COL4A2: variants seen among roughly 807,000 people sequenced by gnomAD.
The protein encoded by COL4A2 is collagen type IV alpha 2 chain.
Under a neutral mutation model 200.2 loss-of-function variants are expected in COL4A2, and 99 were observed. That is an observed-to-expected ratio of 0.49 (90% CI 0.42 to 0.58). COL4A2 has a LOEUF of 0.58. COL4A2 is among the 20% of genes least tolerant of loss of function. The pLI is 0.00. For synonymous variants in COL4A2, 897 were observed against 900.6 expected (o/e 1.00, Z 0.07); for missense variants, 1,950 against 2,314.1 (o/e 0.84, Z 3.23).
chr13:110,487,810 A>C (rs553949538), intron 34 of COL4A2, among the ~76,000 whole-genome samples: 7 of 152,338 alleles, frequency 4.6e-5, no homozygotes, highest in African/African-American at 1.2e-4. Context: ...CAGCTGCTTT[A>C]GGTGGGGTTG....
chr13:110,341,420 TTGTTAAGGATTTAC>T (rs1802701236), intron 3 of COL4A2, among the ~76,000 whole-genome samples: 2 of 152,276 alleles, frequency 1.3e-5, no homozygotes, highest in Admixed American at 6.5e-5. Flanking sequence ...TGATTAGGTG[TTGTTAAGGATTTAC>T]TGTTCAGGGC....
At chr13:110,501,519 T>A in intron 40 of COL4A2, 149 bp from the exon 41 acceptor site, 140 of 492,728 alleles carry the variant, frequency 2.8e-4, no homozygotes, top group East Asian at 4.8e-4. Flanking sequence ...AGCCCCACCA[T>A]GAGATGTTCC....
chr13:110,465,287 G>A (rs983722762), intron 24 of COL4A2, 118 bp from the exon 25 acceptor site: 2 of 1,311,870 alleles, frequency 1.5e-6, no homozygotes, highest in East Asian at 4.9e-5. Flanking sequence ...CATCTCTGTT[G>A]TCTTTCTGTT....
intron 7 of COL4A2, among the ~76,000 whole-genome samples, chr13:110,429,557 G>T (rs1204301858): frequency 6.6e-6 from 1 of 152,166 alleles, no homozygotes; most frequent in African/African-American, 2.4e-5. Flanking sequence ...AAGAAAGCAC[G>T]TAATAGTATT....
intron 46 of COL4A2, 25 bp downstream of exon 46, chr13:110,506,631 G>A (rs377495211): frequency 2.0e-5 from 32 of 1,579,874 alleles, no homozygotes; most frequent in African/African-American, 1.6e-4. Flanking sequence ...CCCGGCCCCC[G>A]TTGCCTGCTC....
At position 110,472,930 on chromosome 13, in the gene COL4A2, G is replaced by T; in HGVS notation, c.2205G>T (p.Gly735=). The part of the protein sequence containing the change: ...AGREGFPGPP[G]FIGPRGSKGA... ...GGGCCCACCCATGTTTCCTTTTAGG[G>T]TTCATAGGACCCCGAGGATCCAAAG... Residue 735 remains glycine, a splice_region_variant and synonymous_variant, in exon 29 of 48, where the codon GGG becomes GGT. Transcript: ENST00000360467. The T allele has an allele frequency of 6.4e-7, 1 of 1,554,578 alleles. No individual in the cohort carries two copies. Among genetic ancestry groups the T allele is most frequent in the Non-Finnish European group, 8.7e-7 (1 of 1,148,738 alleles).
Position 110,462,379 on chromosome 13 carries a change from C to T in COL4A2, c.1771C>T (p.Pro591Ser), listed in dbSNP as rs1391570603. The change falls in exon 24 of 48, where the codon CCT becomes TCT. Residue 591 changes from proline to serine, a missense_variant. Pro to Ser is a moderately conservative substitution (Grantham distance 74). This residue lies in a region of COL4A2 where 1,385 missense variants were observed against 1,720.5 expected (regional missense o/e 0.80). Coordinates refer to ENST00000360467, the MANE Select transcript of COL4A2 (RefSeq NM_001846.4). ...GLDGFPGLPG[P>S]PGDGIKGPPG... Reference sequence around the variant, plus strand: ...CGATGGATTCCCCGGCCTCCCAGGCCCTCCCGTGAGTAGCCACAAACTGCG... The same window carrying T: ...CGATGGATTCCCCGGCCTCCCAGGCTCTCCCGTGAGTAGCCACAAACTGCG... The T allele has an allele frequency of 6.2e-7, 1 of 1,612,648 alleles. No homozygotes were observed. The highest frequency in any genetic ancestry group is 1.7e-5 in the Admixed American group (1 of 60,018).
intron 4 of COL4A2, among the ~76,000 whole-genome samples, chr13:110,382,531 T>C (rs1878531955): frequency 6.6e-6 from 1 of 152,366 alleles, no homozygotes. Context: ...GTATTTATGG[T>C]AACTCTGTGC....
At chr13:110,314,854 A>C (rs1885090813) in intron 3 of COL4A2, among the ~76,000 whole-genome samples, 1 of 152,232 alleles carries the variant, frequency 6.6e-6, no homozygotes, top group Non-Finnish European at 1.5e-5. Flanking sequence ...GGCAGGTGGC[A>C]GGTGGCTGGT....
chr13:110,310,149 C>G (rs1042071972), intron 3 of COL4A2, among the ~76,000 whole-genome samples: 3 of 152,222 alleles, frequency 2.0e-5, no homozygotes, highest in African/African-American at 4.8e-5. Context: ...TCCCCAAAAC[C>G]TCATCATTGC....
chr13:110,316,094 C>T, intron 3 of COL4A2, among the ~76,000 whole-genome samples: 1 of 152,174 alleles, frequency 6.6e-6, no homozygotes, highest in East Asian at 1.9e-4. Context: ...CAACCCCACC[C>T]ATAGAATTCC....
chr13:110,424,005 C>T (rs1880362151), intron 4 of COL4A2, among the ~76,000 whole-genome samples: 1 of 152,096 alleles, frequency 6.6e-6, no homozygotes, highest in African/African-American at 2.4e-5. Flanking sequence ...CGCTGCTGTG[C>T]GTGTAAGTGT....
At chr13:110,384,983 G>A (rs192729649) in intron 4 of COL4A2, among the ~76,000 whole-genome samples, 19 of 152,314 alleles carry the variant, frequency 1.2e-4, no homozygotes, top group African/African-American at 4.1e-4. Context: ...GTTAAACAGA[G>A]GCCGGGCGCG....
chr13:110,308,785 G>T (rs1378447784), intron 3 of COL4A2, among the ~76,000 whole-genome samples: 1 of 152,168 alleles, frequency 6.6e-6, no homozygotes, highest in Non-Finnish European at 1.5e-5. Context: ...TGCAGCTGGC[G>T]ACTGCACTGC....
rs147633152 is a variant in COL4A2, at chr13:110,422,283, C to T, written c.181-2451C>T. Among the ~76,000 whole-genome samples the T allele has an allele frequency of 1.5e-3, 229 of 152,280 alleles. 2 individuals carry two copies. The Middle Eastern group carries it at 0.031, about 20-fold the overall frequency. On this transcript the variant is annotated intron_variant, in intron 4 of 47. Transcript: ENST00000360467. The stretch of plus-strand genomic sequence containing the variant: ...ACCACTGGGAAGGATCCACAAAAGT[C>T]GGAATCAAAACATAGTTTGTTCCCA...
chr13:110,466,149 A>C, intron 26 of COL4A2, 87 bp downstream of exon 26: 1 of 1,469,362 alleles, frequency 6.8e-7, no homozygotes, highest in South Asian at 1.3e-5. Flanking sequence ...GCGTGGGATA[A>C]GAAATATTAA....
intron 4 of COL4A2, among the ~76,000 whole-genome samples, chr13:110,373,905 G>A (rs1878124332): frequency 6.6e-6 from 1 of 152,222 alleles, no homozygotes; most frequent in Non-Finnish European, 1.5e-5. Context: ...TGGATGCTAA[G>A]GCTCTTCAAG....
intron 3 of COL4A2, among the ~76,000 whole-genome samples, chr13:110,326,564 G>C (rs574246483): frequency 6.6e-6 from 1 of 152,282 alleles, no homozygotes; most frequent in South Asian, 2.1e-4. Context: ...CAGGCTGTTT[G>C]AGGACATCTG....
intron 3 of COL4A2, among the ~76,000 whole-genome samples, chr13:110,352,910 A>T (rs529966383): frequency 1.3e-5 from 2 of 152,216 alleles, no homozygotes; most frequent in African/African-American, 4.8e-5. Context: ...AGCACGCCCC[A>T]CGAGCCTGGA....
Sources: gnomAD v4.1 joint callset for allele counts (sites outside exome capture counted in the v4.1 genomes callset) on GRCh38, gnomAD v4.1.1 for gene constraint, gnomAD v4.1.1 regional missense constraint, MANE v1.5 for transcripts, NCBI Gene and HGNC (gene_info 2026-07-23, HGNC 2026-07-21) for gene names.